SGCZ: variants seen among roughly 807,000 people sequenced by gnomAD.
SGCZ encodes the protein sarcoglycan zeta, also known as zeta-sarcoglycan.
In SGCZ, 40 loss-of-function variants were observed where a neutral mutation model predicts 41.3. The ratio of observed to expected loss-of-function variants is 0.97; its 90% confidence interval spans 0.75 to 1.26. The LOEUF is 1.26. SGCZ is among the 50% of genes most tolerant of loss of function. The pLI, the probability that SGCZ is intolerant of heterozygous loss-of-function variation, is 0.00. For missense variants in SGCZ, 552 were observed against 369.8 expected, an observed-to-expected ratio of 1.49 and a Z score of -4.04; for synonymous variants, 206 against 137.5, an observed-to-expected ratio of 1.50 and a Z score of -3.49.
At chr8:14,694,692 G>T (rs1808901744) in intron 1 of SGCZ, among the ~76,000 whole-genome samples, 1 of 152,202 alleles carries the variant, frequency 6.6e-6, no homozygotes, top group African/African-American at 2.4e-5. Context: ...GGCAAGTAAA[G>T]AAATAACCTT....
chr8:15,087,295 C>T (rs1207933931), intron 1 of SGCZ, among the ~76,000 whole-genome samples: 2 of 152,064 alleles, frequency 1.3e-5, no homozygotes, highest in African/African-American at 4.8e-5. Flanking sequence ...ACATTTCAAT[C>T]TGATGTTGGA....
chr8:14,464,051 G>A (rs1800978028), intron 2 of SGCZ, among the ~76,000 whole-genome samples: 1 of 151,528 alleles, frequency 6.6e-6, no homozygotes, highest in African/African-American at 2.4e-5. Flanking sequence ...TTGTATCAAT[G>A]TTCATAAGGA....
chr8:15,185,243 C>T (rs1800298092), intron 1 of SGCZ, among the ~76,000 whole-genome samples: 1 of 152,176 alleles, frequency 6.6e-6, no homozygotes, highest in Admixed American at 6.5e-5. Context: ...GCAGGATACT[C>T]CTGAAAATTT....
At chr8:14,866,275 G>A (rs544749532) in intron 1 of SGCZ, among the ~76,000 whole-genome samples, 47 of 152,060 alleles carry the variant, frequency 3.1e-4, no homozygotes, top group East Asian at 1.2e-3. Flanking sequence ...TGTGAAGTTT[G>A]CTGTATTTAA....
intron 1 of SGCZ, among the ~76,000 whole-genome samples, chr8:14,746,609 G>C (rs943696661): frequency 6.6e-6 from 1 of 152,056 alleles, no homozygotes; most frequent in African/African-American, 2.4e-5. Flanking sequence ...CTAGCACAAA[G>C]GACAGATATT....
intron 5 of SGCZ, among the ~76,000 whole-genome samples, chr8:14,156,069 G>GGAT (rs1263298999): frequency 6.6e-6 from 1 of 152,136 alleles, no homozygotes; most frequent in Non-Finnish European, 1.5e-5. Context: ...AAGTTGCTCT[G>GGAT]GATGAGTCGG....
intron 1 of SGCZ, among the ~76,000 whole-genome samples, chr8:14,933,431 C>CTTTTTTTTTT (rs11443740): frequency 1.7e-5 from 2 of 120,420 alleles, no homozygotes; most frequent in African/African-American, 3.3e-5. Context: ...CTTTTTTTTT[C>CTTTTTTTTTT]TTTTTTTTTT....
At position 14,102,375 on chromosome 8, in the gene SGCZ, C is replaced by T; in HGVS notation, c.744+1G>A. ...CGAGGGTCCAACTTTCTGGGACTCA[C>T]CTCCCCTTCTGTAGATTGCAGATGG... is the stretch of plus-strand genomic sequence containing the variant. On this transcript the variant is annotated splice_donor_variant, in intron 7 of 7. Transcript: ENST00000382080. LOFTEE classifies it high-confidence loss of function. 1 of 1,482,308 alleles carries T rather than the reference C, an allele frequency of 6.7e-7. No individual in the cohort carries two copies. The highest frequency in any genetic ancestry group is 9.1e-7 in the Non-Finnish European group (1 of 1,100,318). The allele number at this position is 1,482,308 out of a possible 1,614,324, so 91.8% of individuals were successfully genotyped here. A position where few individuals can be genotyped will look rare whatever the true frequency, so the allele number is the denominator to read the frequency against.
At chr8:14,754,561 G>A (rs1207680242) in intron 1 of SGCZ, among the ~76,000 whole-genome samples, 3 of 152,118 alleles carry the variant, frequency 2.0e-5, no homozygotes, top group Admixed American at 1.3e-4. Flanking sequence ...CAGAATAGTG[G>A]CTGGTACATT....
chr8:15,081,663 T>C (rs1805752752), intron 1 of SGCZ, among the ~76,000 whole-genome samples: 1 of 152,202 alleles, frequency 6.6e-6, no homozygotes, highest in Non-Finnish European at 1.5e-5. Context: ...GTTGTGTACC[T>C]GTTTGTAATT....
chr8:14,490,996 T>C (rs1542503), intron 2 of SGCZ, among the ~76,000 whole-genome samples: 30,322 of 152,190 alleles, frequency 0.2, 3,084 homozygotes, highest in Admixed American at 0.23. Context: ...TTGAAAATTA[T>C]TCCTGTCTCA....
chr8:14,102,105 A>ATATATATATAAT (rs1802047693), intron 7 of SGCZ, among the ~76,000 whole-genome samples: 4 of 43,858 alleles, frequency 9.1e-5, no homozygotes, highest in African/African-American at 4.2e-4. Flanking sequence ...TATATATATA[A>ATATATATATAAT]TTTTTTTTTT....
intron 1 of SGCZ, among the ~76,000 whole-genome samples, chr8:15,216,697 C>A (rs1218179597): frequency 6.6e-6 from 1 of 151,990 alleles, no homozygotes; most frequent in Non-Finnish European, 1.5e-5. Context: ...GGAATGGAAT[C>A]TTCTAAAGGG....
intron 3 of SGCZ, among the ~76,000 whole-genome samples, chr8:14,246,832 C>A (rs1252020996): frequency 6.8e-6 from 1 of 146,142 alleles, no homozygotes; most frequent in Non-Finnish European, 1.5e-5. Flanking sequence ...ATGGCATGAA[C>A]CCGGGAGGCA....
At chr8:15,094,817 T>G (rs1463534994) in intron 1 of SGCZ, among the ~76,000 whole-genome samples, 2 of 152,170 alleles carry the variant, frequency 1.3e-5, no homozygotes, top group African/African-American at 4.8e-5. Context: ...CCCTTCGCTC[T>G]GACCCATTCT....
At chr8:15,199,896 A>T (rs1441726201) in intron 1 of SGCZ, among the ~76,000 whole-genome samples, 3 of 152,222 alleles carry the variant, frequency 2.0e-5, no homozygotes, top group African/African-American at 4.8e-5. Flanking sequence ...TTCTTCTCTA[A>T]CCAACCACTC....
chr8:14,916,406 G>C (rs187920172), intron 1 of SGCZ, among the ~76,000 whole-genome samples: 5 of 152,270 alleles, frequency 3.3e-5, no homozygotes, highest in Admixed American at 2.0e-4. Flanking sequence ...AGATAGCATG[G>C]AAGAAAGAAG....
chr8:14,111,474 C>A (rs993475749), intron 5 of SGCZ, among the ~76,000 whole-genome samples: 2 of 151,976 alleles, frequency 1.3e-5, no homozygotes, highest in African/African-American at 2.4e-5. Flanking sequence ...ATAAAAAGGA[C>A]AAAAGGAACA....
Position 14,369,516 on chromosome 8 carries a change from G to A in SGCZ, c.235-45312C>T, listed in dbSNP as rs554932969. Reference sequence around the variant, plus strand: ...ATTAATGAGGTTAACTTTTTCATTCGTAGAAGGCAGCATCTCCCAGGTTTC... The same window carrying A: ...ATTAATGAGGTTAACTTTTTCATTCATAGAAGGCAGCATCTCCCAGGTTTC... On this transcript the variant is annotated intron_variant, in intron 2 of 7. Coordinates refer to ENST00000382080, the MANE Select transcript of SGCZ (RefSeq NM_139167.4). Among the ~76,000 whole-genome samples, 7 of 151,904 alleles carry A rather than the reference G, an allele frequency of 4.6e-5. No individual in the cohort carries two copies. The South Asian group carries it at 6.2e-4, about 14-fold the overall frequency.
Sources: allele counts gnomAD v4.1 joint callset (sites outside exome capture counted in the v4.1 genomes callset), GRCh38; gene constraint gnomAD v4.1.1; transcripts MANE v1.5; gene names NCBI Gene and HGNC (gene_info 2026-07-23, HGNC 2026-07-21).